Variants in KCNK2 observed in about 807,000 individuals in gnomAD.
KCNK2 encodes the protein potassium channel subfamily K member 2.
In KCNK2, 21 loss-of-function variants were observed where a neutral mutation model predicts 40.5. The ratio of observed to expected loss-of-function variants is 0.52; its 90% confidence interval spans 0.37 to 0.75. The LOEUF is 0.75. Among genes scored for constraint, KCNK2 ranks in the 30% least tolerant of loss-of-function variants. The pLI, the probability that KCNK2 is intolerant of heterozygous loss-of-function variation, is 0.00. For synonymous variants in KCNK2, 191 were observed against 202.2 expected (o/e 0.94, Z 0.47); for missense variants, 399 against 531.6 (o/e 0.75, Z 2.45).
At chr1:215,088,728 G>T (rs1659565861) in intron 2 of KCNK2, among the ~76,000 whole-genome samples, 1 of 152,176 alleles carries the variant, frequency 6.6e-6, no homozygotes, top group Non-Finnish European at 1.5e-5. Context: ...GCAATCTGGT[G>T]GTGAATACTG....
intron 6 of KCNK2, among the ~76,000 whole-genome samples, chr1:215,205,260 C>T (rs1469996264): frequency 6.6e-6 from 1 of 151,872 alleles, no homozygotes; most frequent in Non-Finnish European, 1.5e-5. Context: ...TTTTTTTTGA[C>T]AGAGTCTCAC....
intron 5 of KCNK2, among the ~76,000 whole-genome samples, chr1:215,179,871 T>G (rs891138461): frequency 1.3e-5 from 2 of 152,158 alleles, no homozygotes; most frequent in African/African-American, 2.4e-5. Flanking sequence ...AGATGTCTGT[T>G]AAGTCCATTT....
At chr1:215,190,457 G>A (rs904537992) in intron 5 of KCNK2, among the ~76,000 whole-genome samples, 2 of 152,114 alleles carry the variant, frequency 1.3e-5, no homozygotes, top group African/African-American at 2.4e-5. Context: ...TGGACCACTG[G>A]GTTCAATGAA....
chr1:215,117,919 A>G (rs558876547), intron 2 of KCNK2, among the ~76,000 whole-genome samples: 15 of 152,256 alleles, frequency 9.9e-5, no homozygotes, highest in Non-Finnish European at 2.1e-4. Context: ...AAGCAGCCCA[A>G]TCATTAAGAC....
chr1:215,180,648 G>A (rs1664185392), intron 5 of KCNK2, among the ~76,000 whole-genome samples: 1 of 151,844 alleles, frequency 6.6e-6, no homozygotes, highest in African/African-American at 2.4e-5. Flanking sequence ...AAAATTACTG[G>A]TTGAAATTTC....
At chr1:215,035,520 T>C (rs943566708) in intron 1 of KCNK2, among the ~76,000 whole-genome samples, 7 of 152,088 alleles carry the variant, frequency 4.6e-5, no homozygotes, top group African/African-American at 1.7e-4. Flanking sequence ...ACATATGTAG[T>C]CTTTTGGTCT....
At chr1:215,149,263 T>C (rs1485216949) in intron 3 of KCNK2, among the ~76,000 whole-genome samples, 1 of 152,114 alleles carries the variant, frequency 6.6e-6, no homozygotes, top group Non-Finnish European at 1.5e-5. Flanking sequence ...CCTTCTGTCG[T>C]CTGAGGATGA....
chr1:215,139,161 GCAGCTGATCCTTCAGTGTCTCATCCCCTA>G (rs1333340661), intron 3 of KCNK2, among the ~76,000 whole-genome samples: 1 of 152,112 alleles, frequency 6.6e-6, no homozygotes, highest in Non-Finnish European at 1.5e-5. Context: ...TCTTCCTCCT[GCAGCTGATCCTTCAGTGTCTCATCCCCTA>G]CAGAGTCAAA....
intron 1 of KCNK2, among the ~76,000 whole-genome samples, chr1:215,006,116 A>T (rs749097405): frequency 6.6e-6 from 1 of 152,102 alleles, no homozygotes; most frequent in African/African-American, 2.4e-5. Context: ...AGTTGCTGGA[A>T]TTTTTTCCAT....
chr1:215,040,240 T>G (rs185111620), intron 1 of KCNK2, among the ~76,000 whole-genome samples: 14 of 152,270 alleles, frequency 9.2e-5, no homozygotes, highest in Non-Finnish European at 1.8e-4. Context: ...AAGAAAATAA[T>G]AATTTATCAG....
intron 2 of KCNK2, among the ~76,000 whole-genome samples, chr1:215,118,381 G>A (rs1558099123): frequency 6.6e-6 from 1 of 152,076 alleles, no homozygotes; most frequent in Non-Finnish European, 1.5e-5. Flanking sequence ...AAGTCTTTTG[G>A]CAATGAGAGC....
intron 1 of KCNK2, among the ~76,000 whole-genome samples, chr1:215,013,935 G>A (rs983700654): frequency 2.4e-4 from 37 of 152,194 alleles, no homozygotes; most frequent in African/African-American, 8.9e-4. Flanking sequence ...AACTGGCTAG[G>A]GTTTCAGTAC....
intron 3 of KCNK2, among the ~76,000 whole-genome samples, chr1:215,150,805 C>G (rs571173429): frequency 1.3e-5 from 2 of 151,792 alleles, no homozygotes; most frequent in African/African-American, 2.4e-5. Context: ...TTTAATTCCA[C>G]GCACAACTAA....
chr1:215,028,154 A>G (rs1657060397), intron 1 of KCNK2, among the ~76,000 whole-genome samples: 1 of 152,208 alleles, frequency 6.6e-6, no homozygotes, highest in Non-Finnish European at 1.5e-5. Context: ...TGGGAGGCCA[A>G]GGTGGGTGGA....
Position 215,177,916 on chromosome 1 carries a change from C to T in KCNK2, c.823+5733C>T, listed in dbSNP as rs539019145. Among the ~76,000 whole-genome samples the T allele has an allele frequency of 8.0e-4, 121 of 150,446 alleles. 1 individual carries two copies. Among genetic ancestry groups the T allele is most frequent in the South Asian group, 1.5e-3 (7 of 4,774 alleles). Reference sequence around the variant, plus strand: ...GAGCTTTTTCTAGCTTTGCGAAAAACGATATTGGTAGCTTAATAGAAATAG... The same window carrying T: ...GAGCTTTTTCTAGCTTTGCGAAAAATGATATTGGTAGCTTAATAGAAATAG... On this transcript the variant is annotated intron_variant, in intron 5 of 6. Transcript: ENST00000444842.
chr1:215,014,039 A>G (rs1000625906), intron 1 of KCNK2, among the ~76,000 whole-genome samples: 3 of 152,086 alleles, frequency 2.0e-5, no homozygotes, highest in African/African-American at 7.2e-5. Context: ...TGTGTTAGCT[A>G]CAGTTTTTTA....
At chr1:215,053,810 T>TA (rs1160091621) in intron 1 of KCNK2, among the ~76,000 whole-genome samples, 1 of 152,112 alleles carries the variant, frequency 6.6e-6, no homozygotes, top group African/African-American at 2.4e-5. Context: ...CTACTAAAAA[T>TA]ACAAAAGTTA....
At chr1:215,194,587 T>C (rs1185031519) in intron 5 of KCNK2, among the ~76,000 whole-genome samples, 1 of 152,162 alleles carries the variant, frequency 6.6e-6, no homozygotes, top group African/African-American at 2.4e-5. Flanking sequence ...AATAAAAGTG[T>C]AATCCCTATC....
At chr1:215,223,111 T>C (rs1162038318) in intron 6 of KCNK2, among the ~76,000 whole-genome samples, 1 of 151,896 alleles carries the variant, frequency 6.6e-6, no homozygotes, top group Non-Finnish European at 1.5e-5. Flanking sequence ...GTGAAGAAAA[T>C]TTCCAAATGG....
Sources: allele counts gnomAD v4.1 joint callset (sites outside exome capture counted in the v4.1 genomes callset), GRCh38; gene constraint gnomAD v4.1.1; transcripts MANE v1.5; gene names NCBI Gene and HGNC (gene_info 2026-07-23, HGNC 2026-07-21).